The following FSD1L variants were observed in gnomAD, a reference collection of about 807,000 sequenced individuals.
FSD1L encodes FSD1-like protein.
In FSD1L, 45 loss-of-function variants were observed where a neutral mutation model predicts 71.6. The observed-to-expected ratio is 0.63, with a 90% CI of 0.49 to 0.81. The LOEUF (loss-of-function observed/expected upper bound fraction) is 0.81, where lower values mean the gene tolerates loss of function less well. Among genes scored for constraint, FSD1L ranks in the 30% least tolerant of loss-of-function variants. FSD1L has a pLI of 0.00. For missense variants in FSD1L, 561 were observed against 618.1 expected, an observed-to-expected ratio of 0.91 and a Z score of 0.98; for synonymous variants, 197 against 207.2, an observed-to-expected ratio of 0.95 and a Z score of 0.42.
intron 8 of FSD1L, among the ~76,000 whole-genome samples, chr9:105,506,852 A>G (rs1589037598): frequency 6.6e-6 from 1 of 151,386 alleles, no homozygotes; most frequent in African/African-American, 2.4e-5. Flanking sequence ...GCCCACTGCA[A>G]CCTCCGCCTC....
At chr9:105,540,612 C>T (rs549206475) in intron 13 of FSD1L, among the ~76,000 whole-genome samples, 11 of 152,204 alleles carry the variant, frequency 7.2e-5, no homozygotes, top group South Asian at 2.1e-4. Flanking sequence ...GATCTAGATA[C>T]GTTCTTTAAT....
intron 10 of FSD1L, among the ~76,000 whole-genome samples, chr9:105,517,019 C>T (rs770461800): frequency 1.4e-4 from 22 of 152,032 alleles, no homozygotes; most frequent in South Asian, 8.3e-4. Context: ...ACGAGAACTT[C>T]GTGAAGCAAA....
chr9:105,480,447 A>G (rs1045159081), intron 6 of FSD1L, among the ~76,000 whole-genome samples: 1 of 152,010 alleles, frequency 6.6e-6, no homozygotes, highest in African/African-American at 2.4e-5. Context: ...ATGTGCCACC[A>G]CACCCAGCTA....
intron 10 of FSD1L, chr9:105,530,990 T>G (rs1180299215): frequency 6.3e-6 from 1 of 159,876 alleles, no homozygotes; most frequent in Non-Finnish European, 1.4e-5. Context: ...ATAGCCAAGT[T>G]CCTCACTTGC....
At chr9:105,513,827 G>C (rs989876714) in intron 10 of FSD1L, among the ~76,000 whole-genome samples, 3 of 152,106 alleles carry the variant, frequency 2.0e-5, no homozygotes, top group African/African-American at 7.2e-5. Context: ...ATATTATTTG[G>C]ATTATATTGT....
At chr9:105,483,052 C>T (rs978520115) in intron 6 of FSD1L, among the ~76,000 whole-genome samples, 2 of 151,980 alleles carry the variant, frequency 1.3e-5, no homozygotes, top group African/African-American at 4.8e-5. Flanking sequence ...AGTATTTGTT[C>T]CTTTTTATTG....
chr9:105,452,317 T>C (rs1830057745), intron 1 of FSD1L, among the ~76,000 whole-genome samples: 1 of 152,184 alleles, frequency 6.6e-6, no homozygotes, highest in African/African-American at 2.4e-5. Flanking sequence ...GGAATGAAAT[T>C]TGATTACTGT....
At position 105,538,468 on chromosome 9, in the gene FSD1L, T is replaced by G. The variant is rs75421217; in HGVS notation, c.1379-795T>G. Among the ~76,000 whole-genome samples the G allele has an allele frequency of 9.0e-3, 1,376 of 152,180 alleles. 22 individuals are homozygous for G. Among genetic ancestry groups the G allele is most frequent in the African/African-American group, 0.032 (1,319 of 41,514 alleles). ...GAACAGGAAGAAAAGGAGGAGATGG[T>G]GAAGTTATCCCCAGGGTTATGATAC... On this transcript the variant is annotated intron_variant, in intron 12 of 13. Coordinates refer to ENST00000481272, the MANE Select transcript of FSD1L (RefSeq NM_001145313.3).
chr9:105,468,614 C>A (rs1236107861), intron 4 of FSD1L, among the ~76,000 whole-genome samples: 1 of 151,906 alleles, frequency 6.6e-6, no homozygotes, highest in South Asian at 2.1e-4. Flanking sequence ...CCTGCCTCAG[C>A]CTCCCAAGTA....
At chr9:105,513,152 C>T (rs1053983195) in intron 10 of FSD1L, among the ~76,000 whole-genome samples, 13 of 152,168 alleles carry the variant, frequency 8.5e-5, no homozygotes, top group Admixed American at 6.5e-4. Flanking sequence ...AATCCTCTTA[C>T]ACATTTTCAT....
intron 7 of FSD1L, among the ~76,000 whole-genome samples, chr9:105,494,843 CT>C (rs986081484): frequency 6.6e-5 from 10 of 152,170 alleles, no homozygotes; most frequent in African/African-American, 2.4e-4. Context: ...ATGCTGCTGT[CT>C]TATCGTTCCC....
chr9:105,517,855 C>T (rs1834832762), intron 10 of FSD1L, among the ~76,000 whole-genome samples: 1 of 152,200 alleles, frequency 6.6e-6, no homozygotes. Flanking sequence ...AATTAAAAGA[C>T]ACAGACTGGC....
intron 7 of FSD1L, among the ~76,000 whole-genome samples, chr9:105,503,226 A>G (rs913782999): frequency 3.9e-5 from 6 of 152,172 alleles, no homozygotes; most frequent in Non-Finnish European, 8.8e-5. Flanking sequence ...TGAAGGATGC[A>G]TTTAAATCTC....
At position 105,479,394 on chromosome 9, in the gene FSD1L, T is replaced by C; in HGVS notation, c.464+18T>C. On this transcript the variant is annotated intron_variant, in intron 6 of 13. Transcript: ENST00000481272. ...AAGGATAGGTATGGTATAAAACACA[T>C]TTTTACTTAAGTATAAATATTGAAG... is the stretch of plus-strand genomic sequence containing the variant. 4 of 1,534,528 alleles carry C rather than the reference T, an allele frequency of 2.6e-6. No individual in the cohort carries two copies. Among genetic ancestry groups the C allele is most frequent in the Non-Finnish European group, 3.5e-6 (4 of 1,134,202 alleles).
intron 10 of FSD1L, among the ~76,000 whole-genome samples, chr9:105,528,965 A>G (rs1835706053): frequency 6.6e-6 from 1 of 152,258 alleles, no homozygotes; most frequent in African/African-American, 2.4e-5. Context: ...AAAGTGGGCA[A>G]AGGATATGAA....
intron 5 of FSD1L, among the ~76,000 whole-genome samples, chr9:105,475,445 C>T (rs1326982286): frequency 6.6e-6 from 1 of 152,100 alleles, no homozygotes; most frequent in East Asian, 1.9e-4. Context: ...GCTCTGACCA[C>T]TGGAAGGAGT....
chr9:105,458,293 G>T (rs1434590308), intron 1 of FSD1L, among the ~76,000 whole-genome samples: 1 of 152,154 alleles, frequency 6.6e-6, no homozygotes, highest in African/African-American at 2.4e-5. Context: ...CTGCAGCTTG[G>T]TGAGCTGGCC....
chr9:105,521,204 A>C (rs1040686732), intron 10 of FSD1L: 13 of 1,614,208 alleles, frequency 8.1e-6, no homozygotes, highest in Non-Finnish European at 9.3e-6. Context: ...TGGAGCCAAA[A>C]CCACATACAG....
chr9:105,530,754 C>T, intron 10 of FSD1L: 1 of 503,844 alleles, frequency 2.0e-6, no homozygotes, highest in Non-Finnish European at 3.5e-6. Flanking sequence ...TCTGCTGTGC[C>T]TTTTCAGTTG....
Sources: gnomAD v4.1 joint callset for allele counts (sites outside exome capture counted in the v4.1 genomes callset) on GRCh38, gnomAD v4.1.1 for gene constraint, MANE v1.5 for transcripts, NCBI Gene and HGNC (gene_info 2026-07-23, HGNC 2026-07-21) for gene names.